The following NRG3 variants were observed in gnomAD, a reference collection of about 807,000 sequenced individuals.
NRG3 encodes pro-neuregulin-3, membrane-bound isoform.
In NRG3, 31 loss-of-function variants were observed where a neutral mutation model predicts 66.9. That is an observed-to-expected ratio of 0.46 (90% CI 0.35 to 0.63). NRG3 has a LOEUF of 0.63. NRG3 is among the 20% of genes least tolerant of loss of function. NRG3 has a pLI of 0.00. For synonymous variants in NRG3, 393 were observed against 359.4 expected (o/e 1.09, Z -1.06); for missense variants, 910 against 878.9 (o/e 1.04, Z -0.45).
chr10:82,590,769 T>C lies in NRG3; in HGVS notation c.954-147808T>C, dbSNP rs971325918. On this transcript the variant is annotated intron_variant, in intron 2 of 8. Transcript: ENST00000372141. ...CAACATCAGGTAGGGACCAGGTTGG[T>C]GTGCCACCTAGATCTTGCAGTTTGG... Among the ~76,000 whole-genome samples the C allele has an allele frequency of 2.6e-5, 4 of 152,154 alleles. No individual in the cohort carries two copies. In the East Asian group the frequency reaches 7.7e-4, roughly 29 times the overall value.
At chr10:82,507,411 T>A (rs1844784577) in intron 2 of NRG3, among the ~76,000 whole-genome samples, 1 of 152,172 alleles carries the variant, frequency 6.6e-6, no homozygotes, top group South Asian at 2.1e-4. Flanking sequence ...AAATAAAAAC[T>A]TCATTCTGAG....
intron 1 of NRG3, among the ~76,000 whole-genome samples, chr10:81,959,089 T>C (rs1280610841): frequency 2.6e-5 from 4 of 152,176 alleles, no homozygotes; most frequent in African/African-American, 9.7e-5. Context: ...CCACACACAA[T>C]ATATATGTAT....
chr10:82,002,432 A>G (rs561649428), intron 1 of NRG3, among the ~76,000 whole-genome samples: 2 of 152,290 alleles, frequency 1.3e-5, no homozygotes, highest in East Asian at 3.9e-4. Flanking sequence ...GGAACGTTCA[A>G]TGTGGTAGAA....
intron 1 of NRG3, among the ~76,000 whole-genome samples, chr10:82,021,076 G>A (rs1157578681): frequency 6.6e-6 from 1 of 152,060 alleles, no homozygotes; most frequent in Non-Finnish European, 1.5e-5. Context: ...TTAGGACACA[G>A]ACCAATGCCT....
rs1428817938 is a variant in NRG3 at position 82,762,251 on chromosome 10, G to A, written c.1027+23601G>A. Among the ~76,000 whole-genome samples the A allele has an allele frequency of 5.3e-5, 8 of 151,784 alleles. No individual in the cohort carries two copies. In the South Asian group the frequency reaches 1.0e-3, roughly 20 times the overall value. Reference sequence around the variant, plus strand: ...AATCCACCCACCTTAGACTCCCAAAGTGCTGGGATTACAGGCATGAGCCAC... The same window carrying A: ...AATCCACCCACCTTAGACTCCCAAAATGCTGGGATTACAGGCATGAGCCAC... On this transcript the variant is annotated intron_variant, in intron 3 of 8. Transcript: ENST00000372141.
intron 4 of NRG3, among the ~76,000 whole-genome samples, chr10:82,932,784 G>A (rs903324735): frequency 2.6e-5 from 4 of 152,184 alleles, no homozygotes; most frequent in African/African-American, 9.7e-5. Context: ...TAAAGAGGAG[G>A]AAGGTCACTC....
chr10:82,418,932 T>A (rs2136220548), intron 2 of NRG3, among the ~76,000 whole-genome samples: 1 of 152,230 alleles, frequency 6.6e-6, no homozygotes, highest in Admixed American at 6.5e-5. Flanking sequence ...AAACTTTTCC[T>A]GAAGATTTAC....
At chr10:82,780,958 C>A (rs879883707) in intron 3 of NRG3, among the ~76,000 whole-genome samples, 11 of 152,106 alleles carry the variant, frequency 7.2e-5, no homozygotes, top group Non-Finnish European at 1.6e-4. Flanking sequence ...AGGCACTTCC[C>A]TTGGCCTCTT....
At chr10:82,549,825 G>A (rs1180035182) in intron 2 of NRG3, among the ~76,000 whole-genome samples, 1 of 145,720 alleles carries the variant, frequency 6.9e-6, no homozygotes, top group Non-Finnish European at 1.5e-5. Flanking sequence ...GCCAATAATT[G>A]GGAAACTTGA....
intron 2 of NRG3, among the ~76,000 whole-genome samples, chr10:82,730,318 T>C (rs1181949868): frequency 6.6e-6 from 1 of 152,028 alleles, no homozygotes; most frequent in East Asian, 1.9e-4. Flanking sequence ...TCTCCTGACC[T>C]TGTGATCCAC....
At chr10:82,929,793 T>C (rs1376439920) in intron 4 of NRG3, among the ~76,000 whole-genome samples, 1 of 150,992 alleles carries the variant, frequency 6.6e-6, no homozygotes, top group Non-Finnish European at 1.5e-5. Context: ...GGAGAATTGC[T>C]TGAAGGTGGG....
chr10:82,565,612 T>G (rs1255551672), intron 2 of NRG3, among the ~76,000 whole-genome samples: 1 of 152,032 alleles, frequency 6.6e-6, no homozygotes, highest in African/African-American at 2.4e-5. Context: ...TGATTTTTGT[T>G]TTTTGATCGG....
chr10:82,118,000 A>G (rs1343071971), intron 1 of NRG3, among the ~76,000 whole-genome samples: 3 of 152,050 alleles, frequency 2.0e-5, no homozygotes, highest in African/African-American at 4.8e-5. Context: ...TTGTACAGAA[A>G]ATGTTGGGAA....
chr10:82,945,512 G>T (rs1848932855), intron 4 of NRG3, among the ~76,000 whole-genome samples: 1 of 152,162 alleles, frequency 6.6e-6, no homozygotes. Context: ...AAGTCCAAAA[G>T]CATAGCGCCA....
At chr10:81,939,758 G>T (rs1848243291) in intron 1 of NRG3, among the ~76,000 whole-genome samples, 1 of 143,956 alleles carries the variant, frequency 6.9e-6, no homozygotes, top group Non-Finnish European at 1.5e-5. Flanking sequence ...TGTGTTTCTA[G>T]TCTCTATTTC....
intron 2 of NRG3, among the ~76,000 whole-genome samples, chr10:82,575,337 A>G (rs2045968720): frequency 6.6e-6 from 1 of 151,784 alleles, no homozygotes; most frequent in Non-Finnish European, 1.5e-5. Context: ...AAAAAGAAGA[A>G]AAAAAGAAAG....
In NRG3 at chr10:82,716,782, A is replaced by T. The variant is rs926552282; in HGVS notation, c.954-21795A>T. Among the ~76,000 whole-genome samples, 4 of 152,320 alleles carry T rather than the reference A, an allele frequency of 2.6e-5. No individual in the cohort carries two copies. The East Asian group carries it at 7.7e-4, about 29-fold the overall frequency. ...TTAAGGTGGAAACTGATTGCTGCTG[A>T]TTGCAAAGGTCTTTATACATAATTT... On this transcript the variant is annotated intron_variant, in intron 2 of 8. Coordinates refer to ENST00000372141, the MANE Select transcript of NRG3 (RefSeq NM_001010848.4).
At chr10:82,878,381 C>T (rs1322076262) in intron 4 of NRG3, among the ~76,000 whole-genome samples, 1 of 152,230 alleles carries the variant, frequency 6.6e-6, no homozygotes, top group African/African-American at 2.4e-5. Flanking sequence ...CTGTCAGTAG[C>T]TGTGTGCAGA....
intron 2 of NRG3, among the ~76,000 whole-genome samples, chr10:82,504,779 G>T (rs1460596696): frequency 6.6e-6 from 1 of 152,128 alleles, no homozygotes; most frequent in Non-Finnish European, 1.5e-5. Flanking sequence ...GTGATTTATG[G>T]TCTTATTTTG....
Sources: allele counts gnomAD v4.1 joint callset (sites outside exome capture counted in the v4.1 genomes callset), GRCh38; gene constraint gnomAD v4.1.1; transcripts MANE v1.5; gene names NCBI Gene and HGNC (gene_info 2026-07-23, HGNC 2026-07-21).